The following NUFIP2 variants were observed in gnomAD, a reference collection of about 807,000 sequenced individuals.
NUFIP2 encodes the protein FMR1-interacting protein NUFIP2.
Under a neutral mutation model 56.9 loss-of-function variants are expected in NUFIP2, and 6 were observed. The ratio of observed to expected loss-of-function variants is 0.11; its 90% CI spans 0.06 to 0.21. The LOEUF is 0.21. Among genes scored for constraint, NUFIP2 ranks in the 10% least tolerant of loss-of-function variants. The pLI is 1.00. For missense variants in NUFIP2, 828 were observed against 826.8 expected (o/e 1.00, Z -0.02); for synonymous variants, 321 against 298.2 (o/e 1.08, Z -0.79).
intron 3 of NUFIP2, among the ~76,000 whole-genome samples, chr17:29,266,987 T>C (rs1019484664): frequency 6.6e-5 from 10 of 151,674 alleles, no homozygotes; most frequent in Non-Finnish European, 1.3e-4. Flanking sequence ...CACCATAACC[T>C]CTGCCTCCTG....
In NUFIP2 at chr17:29,286,298, C is replaced by T. The variant is rs900317760; in HGVS notation, c.1696G>A (p.Glu566Lys). ...TGAGGACTAGTCCGTTTCTCCAGCT[C>T]GTAAGCCTTGGGAAACACAGGATGC... is the stretch of plus-strand genomic sequence containing the variant. The part of the protein sequence containing the change: ...TEHPVFPKAY[E>K]LEKRTSPQVL... The change falls in exon 2 of 4, where the codon GAG becomes AAG. Residue 566 changes from glutamate to lysine, a missense_variant. By Grantham distance (56) the Glu-to-Lys change is moderately conservative (BLOSUM62 1). Transcript: ENST00000225388. 3 of 1,614,054 alleles carry T rather than the reference C, an allele frequency of 1.9e-6. No individual in the cohort carries two copies. The highest frequency in any genetic ancestry group is 8.5e-7 in the Non-Finnish European group (1 of 1,180,044).
intron 1 of NUFIP2, among the ~76,000 whole-genome samples, chr17:29,292,092 G>C (rs1007740684): frequency 6.6e-6 from 1 of 152,072 alleles, no homozygotes; most frequent in Non-Finnish European, 1.5e-5. Context: ...CTCACTTCTC[G>C]TGAAATACTT....
intron 2 of NUFIP2, among the ~76,000 whole-genome samples, chr17:29,283,180 T>C (rs1027800175): frequency 1.3e-5 from 2 of 152,194 alleles, no homozygotes; most frequent in Admixed American, 6.5e-5. Context: ...CTTATATAAA[T>C]ACCACTGATT....
In NUFIP2 at chr17:29,286,620, A is replaced by G; in HGVS notation, c.1374T>C (p.Ser458=). 6.2e-7 allele frequency: 1 copy of G among 1,614,166 alleles called. No individual in the cohort carries two copies. Among genetic ancestry groups the G allele is most frequent in the Non-Finnish European group, 8.5e-7 (1 of 1,180,024 alleles). Residue 458 remains serine (S), a synonymous_variant, in exon 2 of 4, where the codon AGT becomes AGC. Transcript: ENST00000225388. ...SGTDSVLQDM[S]LTSAAVEQIK... Reference sequence around the variant, plus strand: ...TTTGTTCAACAGCTGCTGAAGTTAGACTCATGTCCTGGAGAACTGAATCTG... The same window carrying G: ...TTTGTTCAACAGCTGCTGAAGTTAGGCTCATGTCCTGGAGAACTGAATCTG...
chr17:29,279,640 T>C (rs1429033276), intron 2 of NUFIP2, among the ~76,000 whole-genome samples: 1 of 152,126 alleles, frequency 6.6e-6, no homozygotes, highest in African/African-American at 2.4e-5. Flanking sequence ...CTTGGTGATA[T>C]CCTCCATCTC....
At chr17:29,289,893 T>C (rs1456350075) in intron 1 of NUFIP2, among the ~76,000 whole-genome samples, 3 of 152,210 alleles carry the variant, frequency 2.0e-5, no homozygotes, top group Non-Finnish European at 2.9e-5. Context: ...GCACAAAACT[T>C]GTACCACGAG....
chr17:29,284,706 C>CAA (rs66700326), intron 2 of NUFIP2, among the ~76,000 whole-genome samples: 1,953 of 53,278 alleles, frequency 0.037, 128 homozygotes, highest in African/African-American at 0.11. Flanking sequence ...GACTCCATCT[C>CAA]AAAAAAAAAA....
In NUFIP2 at chr17:29,286,693, G is replaced by T; in HGVS notation, c.1301C>A (p.Pro434Gln). Residue 434 changes from proline to glutamine, a missense_variant, in exon 2 of 4, where the codon CCA becomes CAA. Physicochemically the swap from Pro to Gln is moderately conservative, Grantham distance 76. This residue lies in a region of NUFIP2 where 404 missense variants were observed against 380.3 expected (regional missense o/e 1.06). Transcript: ENST00000225388. ...AGTATTAGCAGCAGTAGTTAGCAGT[G>T]GCTGACCCCCTGGAGGATAAACATT... Reference protein sequence around the residue: ...DGNVYPPGGQPLLTTAANTLT... With the variant: ...DGNVYPPGGQQLLTTAANTLT... 6.2e-7 allele frequency: 1 copy of T among 1,614,142 alleles called. No individual in the cohort carries two copies. The highest frequency in any genetic ancestry group is 8.5e-7 in the Non-Finnish European group (1 of 1,180,034).
rs114714811 is a variant in NUFIP2 at position 29,256,477 on chromosome 17, T to A, written c.*8062A>T. 3 of 152,170 alleles carry A rather than the reference T, an allele frequency of 2.0e-5. No homozygotes were observed. The highest frequency in any genetic ancestry group is 7.2e-5 in the African/African-American group (3 of 41,432). The allele number at this position is 152,170 out of a possible 1,614,324, so 9.4% of individuals were successfully genotyped here. ...AACTGCCACTATCAATGAAGATACATATAGAAGGGTTTTGCTGTGTCCTCA... is the reference window on the plus strand; with the variant it reads ...AACTGCCACTATCAATGAAGATACAAATAGAAGGGTTTTGCTGTGTCCTCA... On this transcript the variant is annotated 3_prime_UTR_variant, in exon 4 of 4. Coordinates refer to ENST00000225388, the MANE Select transcript of NUFIP2 (RefSeq NM_020772.3).
Position 29,287,080 on chromosome 17 carries a change from T to A in NUFIP2, c.914A>T (p.Asp305Val). 2 of 1,614,180 alleles carry A rather than the reference T, an allele frequency of 1.2e-6. No homozygotes were observed. The highest frequency in any genetic ancestry group is 1.7e-6 in the Non-Finnish European group (2 of 1,180,030). The stretch of plus-strand genomic sequence containing the variant: ...TTTGCTGCTCACACCAGGTTTACTA[T>A]CTGAGCTTTTCCGAAGCATATCACC... The part of the protein sequence containing the change: ...AVGDMLRKSS[D>V]SKPGVSSKKF... Residue 305 changes from aspartate to valine, a missense_variant, in exon 2 of 4, where the codon GAT becomes GTT. By Grantham distance (152) the Asp-to-Val change is radical. This residue lies in a region of NUFIP2 where 415 missense variants were observed against 408.7 expected (regional missense o/e 1.02). Coordinates refer to ENST00000225388, the MANE Select transcript of NUFIP2 (RefSeq NM_020772.3).
At chr17:29,267,814 A>G (rs776099934) in intron 2 of NUFIP2, among the ~76,000 whole-genome samples, 2 of 151,950 alleles carry the variant, frequency 1.3e-5, no homozygotes, top group Non-Finnish European at 2.9e-5. Context: ...CATCACACCC[A>G]GCTAATTTTT....
intron 1 of NUFIP2, among the ~76,000 whole-genome samples, chr17:29,290,231 A>G (rs1426048561): frequency 6.6e-6 from 1 of 152,186 alleles, no homozygotes; most frequent in Non-Finnish European, 1.5e-5. Context: ...CCACAGGGTT[A>G]CATTTTTAAA....
At chr17:29,281,530 T>C (rs1405916467) in intron 2 of NUFIP2, among the ~76,000 whole-genome samples, 16 of 148,076 alleles carry the variant, frequency 1.1e-4, no homozygotes, top group Admixed American at 7.4e-4. Flanking sequence ...ACATATTATA[T>C]AAAAAGCTAA....
intron 2 of NUFIP2, among the ~76,000 whole-genome samples, chr17:29,282,046 G>C (rs2069143412): frequency 6.6e-6 from 1 of 151,862 alleles, no homozygotes; most frequent in Admixed American, 6.6e-5. Flanking sequence ...ACAGGCGTGA[G>C]CCACCGCACC....
chr17:29,278,468 G>C (rs936870762), intron 2 of NUFIP2, among the ~76,000 whole-genome samples: 1 of 151,782 alleles, frequency 6.6e-6, no homozygotes, highest in Non-Finnish European at 1.5e-5. Context: ...GGATGGTCTC[G>C]ATCTCCTGAC....
intron 2 of NUFIP2, among the ~76,000 whole-genome samples, chr17:29,282,706 A>G (rs925717106): frequency 6.6e-6 from 1 of 152,190 alleles, no homozygotes; most frequent in African/African-American, 2.4e-5. Context: ...GTCAGGAGAA[A>G]TGCAGAGAAC....
intron 1 of NUFIP2, among the ~76,000 whole-genome samples, chr17:29,288,082 C>T (rs866258755): frequency 1.3e-5 from 2 of 152,228 alleles, no homozygotes; most frequent in Non-Finnish European, 2.9e-5. Context: ...CTCACTCTGT[C>T]GCCCAGGCTG....
Position 29,257,641 on chromosome 17 carries a change from T to G in NUFIP2, c.*6898A>C, listed in dbSNP as rs1198376126. 6.6e-6 allele frequency: 1 copy of G among 152,214 alleles called. No homozygotes were observed. The highest frequency in any genetic ancestry group is 2.4e-5 in the African/African-American group (1 of 41,452). The allele number at this position is 152,214 out of a possible 1,614,324, so 9.4% of individuals were successfully genotyped here. On this transcript the variant is annotated 3_prime_UTR_variant, in exon 4 of 4. Transcript: ENST00000225388. ...CAAAATTTTTAAAGTTGGAAAGAGC[T>G]GATAACTTGGATCATAGCTCACACA...
At chr17:29,271,263 G>A (rs138916749) in intron 2 of NUFIP2, among the ~76,000 whole-genome samples, 411 of 152,266 alleles carry the variant, frequency 2.7e-3, no homozygotes, top group African/African-American at 9.4e-3. Context: ...TATTCCTGGT[G>A]CGGAGGGGCT....
Sources: allele counts gnomAD v4.1 joint callset (sites outside exome capture counted in the v4.1 genomes callset), GRCh38; gene constraint gnomAD v4.1.1; regional missense constraint gnomAD v4.1.1; transcripts MANE v1.5; gene names NCBI Gene and HGNC (gene_info 2026-07-23, HGNC 2026-07-21).